Variants in USP24 observed in about 807,000 individuals in gnomAD.
The protein encoded by USP24 is ubiquitin specific peptidase 24, also known as ubiquitin carboxyl-terminal hydrolase 24.
Under a neutral mutation model 361.6 loss-of-function variants are expected in USP24, and 97 were observed. The observed-to-expected ratio is 0.27, with a 90% CI of 0.23 to 0.32. The LOEUF (loss-of-function observed/expected upper bound fraction) is 0.32, where lower values mean the gene tolerates loss of function less well. Ranked by LOEUF, USP24 falls within the 10% of genes least tolerant of loss-of-function variation. The pLI is 1.00. For missense variants in USP24, 2,353 were observed against 3,165.6 expected (o/e 0.74, Z 6.16); for synonymous variants, 1,098 against 1,124.6 (o/e 0.98, Z 0.47).
intron 32 of USP24, among the ~76,000 whole-genome samples, chr1:55,127,873 A>G (rs640238): frequency 0.75 from 113,260 of 151,992 alleles, 43,472 homozygotes; most frequent in East Asian, 0.96. Context: ...TACTCATCTG[A>G]AAGGAGAGAT....
chr1:55,175,116 A>ATT (rs1388050129), intron 3 of USP24, among the ~76,000 whole-genome samples: 1 of 151,716 alleles, frequency 6.6e-6, no homozygotes, highest in African/African-American at 2.4e-5. Flanking sequence ...TCTAAAATTA[A>ATT]TTATATATAT....
intron 54 of USP24, among the ~76,000 whole-genome samples, chr1:55,091,164 A>G (rs1645366762): frequency 6.6e-6 from 1 of 151,472 alleles, no homozygotes; most frequent in Non-Finnish European, 1.5e-5. Context: ...GAGGTCCCCA[A>G]GCCCTGGGCC....
chr1:55,199,086 T>C (rs994348002), intron 1 of USP24, among the ~76,000 whole-genome samples: 2 of 152,100 alleles, frequency 1.3e-5, no homozygotes, highest in African/African-American at 4.8e-5. Flanking sequence ...GGCCAGGAGT[T>C]TGGGACCAGC....
chr1:55,179,328 G>T (rs990951926), intron 1 of USP24, among the ~76,000 whole-genome samples: 1 of 152,078 alleles, frequency 6.6e-6, no homozygotes, highest in African/African-American at 2.4e-5. Flanking sequence ...AAATACTTCA[G>T]TTCCTCAAAC....
chr1:55,172,590 C>G, intron 3 of USP24, 70 bp from the exon 4 acceptor site: 1 of 1,460,206 alleles, frequency 6.8e-7, no homozygotes, highest in Non-Finnish European at 9.1e-7. Context: ...TTTATCAAGT[C>G]CATCTCAAAT....
In USP24 at chr1:55,092,108, A is replaced by G; in HGVS notation, c.6469T>C (p.Tyr2157His). The part of the protein sequence containing the change: ...SLNATKLKHP[Y>H]YPCMAKVSLQ... ...CTCACCTTTGCCATGCAAGGATAAT[A>G]TGGATGCTTTAATTTAGTCTAAGAG... The change falls in exon 54 of 68, where the codon TAT (tyrosine) becomes CAT (histidine). Residue 2157 changes from tyrosine (Y) to histidine (H), a missense_variant. Tyr to His is a moderately conservative substitution (Grantham distance 83). Around this residue, in one of 8 missense-constraint regions of USP24, gnomAD observed 598 missense variants for 761.9 expected, o/e 0.78. Transcript: ENST00000294383. 6.2e-7 allele frequency: 1 copy of G among 1,611,282 alleles called. No individual in the cohort carries two copies. The highest frequency in any genetic ancestry group is 8.5e-7 in the Non-Finnish European group (1 of 1,178,676).
rs1397548901 is a variant in USP24, at chr1:55,153,954, G to A, written c.1813-37C>T. On this transcript the variant is annotated intron_variant, in intron 15 of 67. Transcript: ENST00000294383. ...TTTTAAGAGAAATATAAGTGACTTG[G>A]TAAAAGCAATACCTATAATTTCCCG... is the stretch of plus-strand genomic sequence containing the variant. 1.9e-6 allele frequency: 3 copies of A among 1,547,012 alleles called. No individual in the cohort carries two copies. In the African/African-American group the frequency reaches 4.1e-5, roughly 21 times the overall value.
intron 34 of USP24, 34 bp downstream of exon 34, chr1:55,125,286 G>A (rs375803642): frequency 5.7e-6 from 9 of 1,588,018 alleles, no homozygotes; most frequent in Non-Finnish European, 7.8e-6. Context: ...TGAATAAGAG[G>A]GACTAAAATG....
At chr1:55,213,726 T>C (rs1644906429) in intron 1 of USP24, among the ~76,000 whole-genome samples, 1 of 152,200 alleles carries the variant, frequency 6.6e-6, no homozygotes, top group Non-Finnish European at 1.5e-5. Flanking sequence ...TCAAAAGCAC[T>C]GCTGCTTCTG....
chr1:55,130,654 G>A (rs1285073824), intron 31 of USP24, among the ~76,000 whole-genome samples: 1 of 152,134 alleles, frequency 6.6e-6, no homozygotes, highest in East Asian at 1.9e-4. Flanking sequence ...GGGAGAAAAG[G>A]AACCTGTGCT....
intron 8 of USP24, among the ~76,000 whole-genome samples, chr1:55,160,761 G>GT (rs1397399626): frequency 6.6e-6 from 1 of 152,066 alleles, no homozygotes; most frequent in East Asian, 1.9e-4. Flanking sequence ...AGCAGCTGGG[G>GT]TATTTATGCT....
At chr1:55,126,445 A>G (rs1433121407) in intron 32 of USP24, among the ~76,000 whole-genome samples, 2 of 152,166 alleles carry the variant, frequency 1.3e-5, no homozygotes, top group Non-Finnish European at 2.9e-5. Flanking sequence ...ACCATCTGAC[A>G]CATACTTTTA....
intron 51 of USP24, 73 bp downstream of exon 51, chr1:55,095,182 A>AC: frequency 6.9e-7 from 1 of 1,443,414 alleles, no homozygotes; most frequent in East Asian, 2.4e-5. Context: ...TTAAAATCTC[A>AC]AATAGTATAT....
At position 55,097,616 on chromosome 1, in the gene USP24, T is replaced by C. The variant is rs1645527176; in HGVS notation, c.5697A>G (p.Lys1899=). 1 of 1,567,990 alleles carries C rather than the reference T, an allele frequency of 6.4e-7. No homozygotes were observed. The highest frequency in any genetic ancestry group is 1.2e-5 in the South Asian group (1 of 83,526). ...GFDWESGRSI[K]YDEQIRFPWM... ...AAGTTACCCTTATTTGTTCATCATA[T>C]TTAATGGAGCGTCCGCTTTCCCAGT... Residue 1899 remains lysine (K), a synonymous_variant, in exon 48 of 68, where the codon AAA becomes AAG. Transcript: ENST00000294383.
At chr1:55,090,572 T>C (rs1383767713) in intron 54 of USP24, among the ~76,000 whole-genome samples, 2 of 152,242 alleles carry the variant, frequency 1.3e-5, no homozygotes, top group African/African-American at 4.8e-5. Context: ...AACCTCTCCA[T>C]ACTTGGAGAA....
intron 24 of USP24, among the ~76,000 whole-genome samples, chr1:55,140,876 G>A (rs1203107977): frequency 1.3e-5 from 2 of 152,096 alleles, no homozygotes; most frequent in Admixed American, 6.6e-5. Context: ...AATTATGCAT[G>A]GTTTCTCCTA....
intron 31 of USP24, 142 bp from the exon 32 acceptor site, chr1:55,129,716 T>C (rs1338400660): frequency 1.7e-6 from 1 of 600,192 alleles, no homozygotes; most frequent in Non-Finnish European, 2.9e-6. Context: ...ATGTAGAAGC[T>C]GATGTTTCAC....
chr1:55,134,894 G>T lies in USP24; in HGVS notation c.3202-481C>A, dbSNP rs140209517. On this transcript the variant is annotated intron_variant, in intron 28 of 67. Coordinates refer to ENST00000294383, the MANE Select transcript of USP24 (RefSeq NM_015306.3). ...TGTTTTTTTCCCAAAGATCAGAAAA[G>T]ACAAAATGGTTATAACTGCATAAAA... 3.1e-3 allele frequency among the ~76,000 whole-genome samples: 476 copies of T among 152,244 alleles called. 1 individual carries two copies. Among genetic ancestry groups the T allele is most frequent in the African/African-American group, 0.011 (441 of 41,556 alleles).
Position 55,083,329 on chromosome 1 carries a change from A to G in USP24, c.6918T>C (p.His2306=), listed in dbSNP as rs762488058. 20 of 1,613,790 alleles carry G rather than the reference A, an allele frequency of 1.2e-5. No homozygotes were observed. In the South Asian group the frequency reaches 2.2e-4, roughly 18 times the overall value. Residue 2306 remains histidine, a synonymous_variant, in exon 58 of 68, where the codon CAT becomes CAC. Transcript: ENST00000294383. ...GIRAGDLLLR[H]SALRHMISFL... ...AGCTGATCATGTGCCGCAGAGCTGA[A>G]TGCCTCAGAAGAAGATCTCCAGCCC...
Sources: gnomAD v4.1 joint callset for allele counts (sites outside exome capture counted in the v4.1 genomes callset) on GRCh38, gnomAD v4.1.1 for gene constraint, gnomAD v4.1.1 regional missense constraint, MANE v1.5 for transcripts, NCBI Gene and HGNC (gene_info 2026-07-23, HGNC 2026-07-21) for gene names.